Variants in ADAMTSL3 observed in about 807,000 individuals in gnomAD.
The protein encoded by ADAMTSL3 is ADAMTS like 3, also known as ADAMTS-like protein 3.
In ADAMTSL3, 128 loss-of-function variants were observed where a neutral mutation model predicts 201.7. The ratio of observed to expected loss-of-function variants is 0.63; its 90% CI spans 0.55 to 0.73. The LOEUF (loss-of-function observed/expected upper bound fraction) is 0.73. Among genes scored for constraint, ADAMTSL3 ranks in the 30% least tolerant of loss-of-function variants. The probability of loss-of-function intolerance (pLI) is 0.00; values close to 1 mark genes in which losing one functional copy is unlikely to be tolerated. For missense variants in ADAMTSL3, 1,990 were observed against 2,119.6 expected (o/e 0.94, Z 1.20); for synonymous variants, 738 against 748.4 (o/e 0.99, Z 0.23).
chr15:83,665,804 A>C (rs2061240700), intron 2 of ADAMTSL3, among the ~76,000 whole-genome samples: 1 of 152,250 alleles, frequency 6.6e-6, no homozygotes, highest in Non-Finnish European at 1.5e-5. Context: ...ATTGTGGTCA[A>C]ATACTCAGAA....
intron 6 of ADAMTSL3, among the ~76,000 whole-genome samples, chr15:83,828,251 A>C (rs908797433): frequency 1.3e-5 from 2 of 152,142 alleles, no homozygotes; most frequent in Non-Finnish European, 2.9e-5. Context: ...CATCCCTTGT[A>C]AGTTGGATTC....
intron 3 of ADAMTSL3, among the ~76,000 whole-genome samples, chr15:83,751,235 G>A (rs2062632141): frequency 6.6e-6 from 1 of 152,210 alleles, no homozygotes; most frequent in East Asian, 1.9e-4. Context: ...ATGAATTGTA[G>A]CTTTGAGTCA....
intron 5 of ADAMTSL3, among the ~76,000 whole-genome samples, chr15:83,813,834 CA>C (rs2063733105): frequency 6.6e-6 from 1 of 152,162 alleles, no homozygotes; most frequent in Non-Finnish European, 1.5e-5. Flanking sequence ...TTATCCTTAT[CA>C]GGGGTATTTT....
intron 21 of ADAMTSL3, among the ~76,000 whole-genome samples, chr15:83,985,058 G>GT (rs758439054): frequency 6.6e-6 from 1 of 152,020 alleles, no homozygotes; most frequent in South Asian, 2.1e-4. Flanking sequence ...GAAATCTGCT[G>GT]TTTTTTTCTT....
At chr15:83,753,898 C>T (rs2141679748) in intron 3 of ADAMTSL3, among the ~76,000 whole-genome samples, 1 of 152,190 alleles carries the variant, frequency 6.6e-6, no homozygotes, top group East Asian at 1.9e-4. Context: ...AAGCAGTTTG[C>T]GTTGTTATAA....
intron 13 of ADAMTSL3, among the ~76,000 whole-genome samples, chr15:83,894,668 G>A (rs1328386653): frequency 6.6e-6 from 1 of 151,972 alleles, no homozygotes; most frequent in Non-Finnish European, 1.5e-5. Context: ...ATGCTTTAAA[G>A]TCTTTTTTTA....
At chr15:83,910,047 C>T (rs560816480) in intron 15 of ADAMTSL3, among the ~76,000 whole-genome samples, 2 of 152,178 alleles carry the variant, frequency 1.3e-5, no homozygotes, top group Non-Finnish European at 2.9e-5. Flanking sequence ...ACTTCCAAGT[C>T]TGGCCTCTGT....
rs142508012 is a variant in ADAMTSL3, at chr15:83,858,909, C to CA, written c.802+75dup. On this transcript the variant is annotated intron_variant, in intron 8 of 29. Transcript: ENST00000286744. The stretch of plus-strand genomic sequence containing the variant: ...TTAGTTAGCCAAAAAAAACAAAAAA[C>CA]AAAAAACCCACAAACCAAACCAACA... 0.011 allele frequency: 15,490 copies of CA among 1,352,958 alleles called. 1,161 individuals are homozygous for CA. The East Asian group carries it at 0.21, about 18-fold the overall frequency. The allele number at this position is 1,352,958 out of a possible 1,614,324, so 83.8% of individuals were successfully genotyped here. A position where few individuals can be genotyped will look rare whatever the true frequency, so the allele number is the denominator to read the frequency against.
At chr15:83,963,037 C>G (rs1377821668) in intron 19 of ADAMTSL3, among the ~76,000 whole-genome samples, 2 of 152,186 alleles carry the variant, frequency 1.3e-5, no homozygotes, top group African/African-American at 4.8e-5. Context: ...CAGGAGATTC[C>G]CCCGGGTGCC....
At chr15:83,840,487 C>T (rs1222701002) in intron 7 of ADAMTSL3, among the ~76,000 whole-genome samples, 1 of 152,180 alleles carries the variant, frequency 6.6e-6, no homozygotes, top group Non-Finnish European at 1.5e-5. Context: ...ACCGTGTCAA[C>T]AACTGGATAG....
intron 6 of ADAMTSL3, among the ~76,000 whole-genome samples, chr15:83,827,424 C>T (rs183701023): frequency 1.1e-3 from 166 of 152,112 alleles, no homozygotes; most frequent in Non-Finnish European, 1.9e-3. Flanking sequence ...CTTTGTCAGA[C>T]GAGTAGATTG....
At chr15:83,928,795 T>C (rs2066295105) in intron 17 of ADAMTSL3, among the ~76,000 whole-genome samples, 1 of 152,250 alleles carries the variant, frequency 6.6e-6, no homozygotes, top group African/African-American at 2.4e-5. Context: ...TAATTTTTAA[T>C]TTAAATTTTC....
At chr15:83,865,426 T>C (rs973678507) in intron 8 of ADAMTSL3, among the ~76,000 whole-genome samples, 7 of 152,014 alleles carry the variant, frequency 4.6e-5, no homozygotes, top group Admixed American at 6.6e-5. Flanking sequence ...TATAGACCAA[T>C]GGGACAGAAC....
intron 24 of ADAMTSL3, among the ~76,000 whole-genome samples, chr15:84,015,197 G>A (rs1596538352): frequency 1.3e-5 from 2 of 152,128 alleles, no homozygotes; most frequent in Non-Finnish European, 2.9e-5. Flanking sequence ...GCCCGCCTTG[G>A]CCTCCCAAAG....
intron 6 of ADAMTSL3, among the ~76,000 whole-genome samples, chr15:83,829,099 T>C (rs1208162527): frequency 1.3e-5 from 2 of 152,334 alleles, no homozygotes; most frequent in South Asian, 4.1e-4. Flanking sequence ...TCAGAAGGAA[T>C]GGTACCAGCT....
chr15:84,010,701 C>A lies in ADAMTSL3; in HGVS notation c.3974-3841C>A, dbSNP rs137890643. 7.8e-3 allele frequency among the ~76,000 whole-genome samples: 1,189 copies of A among 152,142 alleles called. 14 individuals are homozygous for A. The highest frequency in any genetic ancestry group is 0.026 in the African/African-American group (1,098 of 41,510). On this transcript the variant is annotated intron_variant, in intron 23 of 29. Coordinates refer to ENST00000286744, the MANE Select transcript of ADAMTSL3 (RefSeq NM_207517.3). ...ACACATATCTTAGAGCTAAAAGGGACCCCAAGAGAAAATTTAACAAGAAGT... is the reference window on the plus strand; with the variant it reads ...ACACATATCTTAGAGCTAAAAGGGAACCCAAGAGAAAATTTAACAAGAAGT...
intron 7 of ADAMTSL3, among the ~76,000 whole-genome samples, chr15:83,839,607 A>G (rs1223143178): frequency 6.6e-6 from 1 of 152,194 alleles, no homozygotes; most frequent in Non-Finnish European, 1.5e-5. Flanking sequence ...GTGTCTTTCA[A>G]GCTATTCAAG....
chr15:83,819,221 A>AGATCCC (rs2063817261), intron 5 of ADAMTSL3, among the ~76,000 whole-genome samples: 1 of 148,404 alleles, frequency 6.7e-6, no homozygotes, highest in Non-Finnish European at 1.5e-5. Context: ...CAGTGAGCCG[A>AGATCCC]GCCACTGCAC....
At chr15:83,982,096 T>G (rs2067393522) in intron 20 of ADAMTSL3, among the ~76,000 whole-genome samples, 177 bp from the exon 21 acceptor site, 2 of 152,206 alleles carry the variant, frequency 1.3e-5, no homozygotes, top group Non-Finnish European at 2.9e-5. Context: ...AGTTGTGAAA[T>G]TTACCCCAAT....
Sources: allele counts gnomAD v4.1 joint callset (sites outside exome capture counted in the v4.1 genomes callset), GRCh38; gene constraint gnomAD v4.1.1; transcripts MANE v1.5; gene names NCBI Gene and HGNC (gene_info 2026-07-23, HGNC 2026-07-21).